PALM2AKAP2: variants seen among roughly 807,000 people sequenced by gnomAD.
The protein encoded by PALM2AKAP2 is PALM2-AKAP2 fusion protein.
Under a neutral mutation model 71.5 loss-of-function variants are expected in PALM2AKAP2, and 37 were observed. The observed-to-expected ratio is 0.52, with a 90% CI of 0.40 to 0.68. The LOEUF (loss-of-function observed/expected upper bound fraction) is 0.68, where lower values mean the gene tolerates loss of function less well. Among genes scored for constraint, PALM2AKAP2 ranks in the 30% least tolerant of loss-of-function variants. The probability of loss-of-function intolerance (pLI) is 0.00; values close to 1 mark genes in which losing one functional copy is unlikely to be tolerated. For missense variants in PALM2AKAP2, 1,224 were observed against 1,191.8 expected (o/e 1.03, Z -0.40); for synonymous variants, 468 against 478.8 (o/e 0.98, Z 0.29).
chr9:109,698,107 C>T (rs1014060022), intron 1 of PALM2AKAP2, among the ~76,000 whole-genome samples: 1 of 152,150 alleles, frequency 6.6e-6, no homozygotes, highest in African/African-American at 2.4e-5. Flanking sequence ...CATGAGACCA[C>T]ACATTGTCTC....
At chr9:110,038,330 A>AAAC (rs1181826714) in intron 7 of PALM2AKAP2, among the ~76,000 whole-genome samples, 71 of 61,770 alleles carry the variant, frequency 1.1e-3, no homozygotes, top group African/African-American at 3.4e-3. Context: ...CCTGTCTCAA[A>AAAC]AACAAACAAA....
intron 3 of PALM2AKAP2, among the ~76,000 whole-genome samples, chr9:109,902,161 G>A (rs1830344561): frequency 6.6e-6 from 1 of 152,160 alleles, no homozygotes; most frequent in Non-Finnish European, 1.5e-5. Context: ...TTAACTACAT[G>A]GGACCTTGGG....
chr9:109,649,294 A>G (rs1827194172), intron 1 of PALM2AKAP2, among the ~76,000 whole-genome samples: 1 of 152,016 alleles, frequency 6.6e-6, no homozygotes, highest in African/African-American at 2.4e-5. Flanking sequence ...GACATCTATT[A>G]CCCATTGCTC....
At chr9:110,116,560 C>G (rs1835368698) in intron 1 of PALM2AKAP2, among the ~76,000 whole-genome samples, 1 of 152,204 alleles carries the variant, frequency 6.6e-6, no homozygotes, top group South Asian at 2.1e-4. Context: ...CTTGACTGAT[C>G]AGTCCTTGGG....
intron 1 of PALM2AKAP2, among the ~76,000 whole-genome samples, chr9:109,712,141 G>T (rs1357946180): frequency 5.9e-5 from 9 of 152,106 alleles, no homozygotes; most frequent in African/African-American, 1.7e-4. Context: ...TAAAACAGGG[G>T]TAATACAAGA....
rs371659043 is a variant in PALM2AKAP2, at chr9:109,706,686, A to G, written c.5+65820A>G. ...TGTCTGTCAATGGAAAAATAGATAA[A>G]GAAAATTTGGTATGTCCATAAATAA... On this transcript the variant is annotated intron_variant, in intron 1 of 6. Transcript: ENST00000374531. Among the ~76,000 whole-genome samples the G allele has an allele frequency of 2.6e-5, 4 of 152,380 alleles. No individual in the cohort carries two copies. In the South Asian group the frequency reaches 8.3e-4, roughly 32 times the overall value.
intron 6 of PALM2AKAP2, among the ~76,000 whole-genome samples, chr9:109,981,099 T>C (rs1832261662): frequency 6.6e-6 from 1 of 152,186 alleles, no homozygotes; most frequent in Non-Finnish European, 1.5e-5. Context: ...TTAATAAATC[T>C]TCATTTATTA....
chr9:109,746,191 T>A (rs1039291665), intron 1 of PALM2AKAP2, among the ~76,000 whole-genome samples: 3 of 152,206 alleles, frequency 2.0e-5, no homozygotes, highest in African/African-American at 4.8e-5. Flanking sequence ...AGGGAACAGA[T>A]GACAGCCAAA....
intron 5 of PALM2AKAP2, among the ~76,000 whole-genome samples, chr9:109,925,702 C>T (rs978919185): frequency 6.6e-6 from 1 of 152,130 alleles, no homozygotes; most frequent in African/African-American, 2.4e-5. Flanking sequence ...ACCTTCTCTA[C>T]CTTCCCTACC....
chr9:110,120,671 T>A (rs1045091141), intron 1 of PALM2AKAP2, among the ~76,000 whole-genome samples: 1 of 152,196 alleles, frequency 6.6e-6, no homozygotes, highest in African/African-American at 2.4e-5. Flanking sequence ...ACCCGGCTAA[T>A]TTTTGTATTT....
chr9:110,169,147 T>C (rs912696853), exon 4 of PALM2AKAP2: 3 of 152,584 alleles, frequency 2.0e-5, no homozygotes, highest in Admixed American at 6.5e-5. Flanking sequence ...ACAAACACAA[T>C]CTATTCTACA....
At chr9:109,788,466 TA>T (rs1827024239) in intron 1 of PALM2AKAP2, among the ~76,000 whole-genome samples, 1 of 152,220 alleles carries the variant, frequency 6.6e-6, no homozygotes, top group African/African-American at 2.4e-5. Flanking sequence ...GAGGGTTCCT[TA>T]AAACACAGAT....
intron 1 of PALM2AKAP2, among the ~76,000 whole-genome samples, chr9:109,789,303 C>G (rs1827047427): frequency 6.6e-6 from 1 of 152,180 alleles, no homozygotes; most frequent in African/African-American, 2.4e-5. Flanking sequence ...CCTGGTGGCC[C>G]CTTCTCCAGC....
chr9:109,805,819 C>T (rs1336614148), intron 1 of PALM2AKAP2, among the ~76,000 whole-genome samples: 1 of 152,192 alleles, frequency 6.6e-6, no homozygotes, highest in Non-Finnish European at 1.5e-5. Context: ...GATACATTTG[C>T]TAAAATATTT....
intron 1 of PALM2AKAP2, among the ~76,000 whole-genome samples, chr9:109,725,235 CAAT>C (rs1828459253): frequency 6.6e-6 from 1 of 152,102 alleles, no homozygotes; most frequent in African/African-American, 2.4e-5. Context: ...AAGGAAAAAT[CAAT>C]AATATTGATT....
intron 3 of PALM2AKAP2, among the ~76,000 whole-genome samples, chr9:109,893,770 T>C (rs938265136): frequency 3.3e-5 from 5 of 152,208 alleles, no homozygotes; most frequent in Middle Eastern, 3.4e-3. Context: ...TTTTAAAAAA[T>C]GTTTAGCCTT....
intron 1 of PALM2AKAP2, among the ~76,000 whole-genome samples, chr9:109,687,584 T>C (rs567038898): frequency 2.0e-4 from 30 of 152,334 alleles, no homozygotes; most frequent in Non-Finnish European, 2.9e-4. Flanking sequence ...GTTAGAGCCT[T>C]GATCTGGATT....
At chr9:109,990,470 T>C (rs1832457500) in intron 6 of PALM2AKAP2, among the ~76,000 whole-genome samples, 2 of 152,204 alleles carry the variant, frequency 1.3e-5, no homozygotes, top group Non-Finnish European at 1.5e-5. Flanking sequence ...TATTTCTGTA[T>C]AGTGTCGTCA....
At chr9:109,763,770 T>C (rs1194964250) in intron 1 of PALM2AKAP2, among the ~76,000 whole-genome samples, 1 of 152,066 alleles carries the variant, frequency 6.6e-6, no homozygotes, top group Non-Finnish European at 1.5e-5. Flanking sequence ...AGGCCCTCAA[T>C]GTGGGGTGGG....
Sources: gnomAD v4.1 joint callset for allele counts (sites outside exome capture counted in the v4.1 genomes callset) on GRCh38, gnomAD v4.1.1 for gene constraint, MANE v1.5 for transcripts, NCBI Gene and HGNC (gene_info 2026-07-23, HGNC 2026-07-21) for gene names.